Variants in FMNL2 observed in about 807,000 individuals in gnomAD.
FMNL2 encodes formin-like protein 2.
FMNL2 carries 51 observed loss-of-function variants against 130.2 expected under a neutral mutation model. That is an observed-to-expected ratio of 0.39 (90% CI 0.31 to 0.49). The LOEUF is 0.49. Ranked by LOEUF, FMNL2 falls within the 20% of genes least tolerant of loss-of-function variation. FMNL2 has a pLI of 0.85. For synonymous variants in FMNL2, 465 were observed against 467.1 expected (o/e 1.00, Z 0.06); for missense variants, 977 against 1,316.2 (o/e 0.74, Z 3.99).
chr2:152,599,824 T>C (rs1382481283), intron 9 of FMNL2, among the ~76,000 whole-genome samples: 1 of 152,212 alleles, frequency 6.6e-6, no homozygotes, highest in Non-Finnish European at 1.5e-5. Flanking sequence ...GATAAGGTTG[T>C]TCAGTTTCAG....
chr2:152,586,661 G>C (rs151060032), intron 9 of FMNL2, among the ~76,000 whole-genome samples: 146 of 152,308 alleles, frequency 9.6e-4, no homozygotes, highest in African/African-American at 3.4e-3. Flanking sequence ...CACAGCCGTA[G>C]AGCATGTATG....
At chr2:152,604,811 G>A (rs1698270299) in intron 9 of FMNL2, among the ~76,000 whole-genome samples, 1 of 151,970 alleles carries the variant, frequency 6.6e-6, no homozygotes, top group Non-Finnish European at 1.5e-5. Flanking sequence ...GGCCAGGCTG[G>A]TCTCAAACTC....
At chr2:152,513,692 A>T (rs886569013) in intron 1 of FMNL2, among the ~76,000 whole-genome samples, 1 of 152,180 alleles carries the variant, frequency 6.6e-6, no homozygotes. Flanking sequence ...GATTAGAGGT[A>T]TGTCTCATTA....
At chr2:152,476,418 C>T (rs1690154616) in intron 1 of FMNL2, among the ~76,000 whole-genome samples, 1 of 152,176 alleles carries the variant, frequency 6.6e-6, no homozygotes, top group Non-Finnish European at 1.5e-5. Context: ...CTCCTGTAAT[C>T]CCAGCATTTT....
At chr2:152,618,291 C>A (rs574029880) in intron 13 of FMNL2, among the ~76,000 whole-genome samples, 4 of 152,206 alleles carry the variant, frequency 2.6e-5, no homozygotes, top group Admixed American at 6.5e-5. Flanking sequence ...AATGTTACAA[C>A]AATCGCTATC....
At chr2:152,488,464 C>T (rs936572597) in intron 1 of FMNL2, among the ~76,000 whole-genome samples, 10 of 152,154 alleles carry the variant, frequency 6.6e-5, no homozygotes, top group Non-Finnish European at 1.5e-4. Context: ...ACATGCTGGT[C>T]ACACAAGAAA....
At chr2:152,390,146 G>T in intron 1 of FMNL2, 2 of 1,251,358 alleles carry the variant, frequency 1.6e-6, no homozygotes, top group South Asian at 1.2e-5. Flanking sequence ...GGGCAGACCT[G>T]CCCAATTACT....
chr2:152,417,928 C>A, intron 1 of FMNL2, among the ~76,000 whole-genome samples: 1 of 152,074 alleles, frequency 6.6e-6, no homozygotes, highest in East Asian at 1.9e-4. Context: ...CTGATTGAAC[C>A]TCTGCCTTCT....
intron 6 of FMNL2, among the ~76,000 whole-genome samples, chr2:152,564,520 G>A (rs547867245): frequency 3.9e-5 from 6 of 152,202 alleles, no homozygotes; most frequent in South Asian, 2.1e-4. Context: ...TCAGGAGTTC[G>A]AGACCAGCCT....
chr2:152,625,314 T>G, intron 15 of FMNL2, 124 bp from the exon 16 acceptor site: 2 of 1,156,686 alleles, frequency 1.7e-6, no homozygotes, highest in South Asian at 3.8e-5. Flanking sequence ...AAAACCTACT[T>G]GCGCGCCTCT....
rs761841922 is a variant in FMNL2 at position 152,647,877 on chromosome 2, C to T, written c.3251C>T (p.Ser1084Phe). ...RRRFDDQNLR[S>F]VNGAEITM ...CGCTTTGATGATCAGAACTTGCGTT[C>T]TGTTAATGGTGCCGAAATAACAATG... The change falls in exon 26 of 26, where the codon TCT becomes TTT. Residue 1084 changes from serine to phenylalanine, a missense_variant. Physicochemically the swap from Ser to Phe is radical, Grantham distance 155. Transcript: ENST00000288670. 1.9e-6 allele frequency: 3 copies of T among 1,613,580 alleles called. No individual in the cohort carries two copies. Among genetic ancestry groups the T allele is most frequent in the South Asian group, 2.2e-5 (2 of 91,038 alleles).
intron 1 of FMNL2, among the ~76,000 whole-genome samples, chr2:152,351,120 A>C (rs886386514): frequency 2.6e-5 from 4 of 152,186 alleles, no homozygotes; most frequent in South Asian, 4.1e-4. Context: ...AAATTATCCC[A>C]AAAATACCTG....
intron 1 of FMNL2, among the ~76,000 whole-genome samples, chr2:152,520,210 A>G (rs1477165228): frequency 1.3e-5 from 2 of 152,234 alleles, no homozygotes; most frequent in East Asian, 1.9e-4. Flanking sequence ...TTCTATATCT[A>G]AGAAGCTTTG....
intron 1 of FMNL2, among the ~76,000 whole-genome samples, chr2:152,506,944 C>G (rs1463476394): frequency 6.6e-6 from 1 of 152,222 alleles, no homozygotes; most frequent in Admixed American, 6.5e-5. Flanking sequence ...ATTGTGCACA[C>G]ACTTCCTTTC....
intron 1 of FMNL2, among the ~76,000 whole-genome samples, chr2:152,363,549 G>T (rs891309351): frequency 6.7e-6 from 1 of 149,904 alleles, no homozygotes; most frequent in Non-Finnish European, 1.5e-5. Context: ...GGCTCAGTGA[G>T]TTTTTTTCTT....
intron 21 of FMNL2, among the ~76,000 whole-genome samples, chr2:152,635,871 G>A (rs1483951186): frequency 2.0e-5 from 3 of 152,206 alleles, no homozygotes; most frequent in African/African-American, 7.2e-5. Flanking sequence ...TGGAGAGTCA[G>A]AGAAATGCAA....
intron 10 of FMNL2, 88 bp from the exon 11 acceptor site, chr2:152,611,407 C>T: frequency 1.5e-6 from 1 of 649,760 alleles, no homozygotes; most frequent in Non-Finnish European, 2.7e-6. Flanking sequence ...GTAAGTGAGC[C>T]TTTTTTATGA....
At chr2:152,514,189 G>GA (rs1237295016) in intron 1 of FMNL2, among the ~76,000 whole-genome samples, 1 of 152,218 alleles carries the variant, frequency 6.6e-6, no homozygotes, top group East Asian at 1.9e-4. Flanking sequence ...ATGGTATAAG[G>GA]AAAAATGTCA....
intron 1 of FMNL2, among the ~76,000 whole-genome samples, chr2:152,517,604 C>T (rs1692845894): frequency 6.6e-6 from 1 of 152,058 alleles, no homozygotes; most frequent in Non-Finnish European, 1.5e-5. Flanking sequence ...TGAATTGATT[C>T]TTACAGTTTG....
Sources: gnomAD v4.1 joint callset for allele counts (sites outside exome capture counted in the v4.1 genomes callset) on GRCh38, gnomAD v4.1.1 for gene constraint, MANE v1.5 for transcripts, NCBI Gene and HGNC (gene_info 2026-07-23, HGNC 2026-07-21) for gene names.